The following MARCHF8 variants were observed in gnomAD, a reference collection of about 807,000 sequenced individuals.
The protein encoded by MARCHF8 is membrane associated ring-CH-type finger 8.
Under a neutral mutation model 51.6 loss-of-function variants are expected in MARCHF8, and 40 were observed. That is an observed-to-expected ratio of 0.77 (90% CI 0.60 to 1.01). The LOEUF is 1.01. MARCHF8 is among the 50% of genes least tolerant of loss of function. MARCHF8 has a pLI of 0.00. For missense variants in MARCHF8, 685 were observed against 708.6 expected (o/e 0.97, Z 0.38); for synonymous variants, 263 against 280.3 (o/e 0.94, Z 0.62).
At position 45,459,263 on chromosome 10, in the gene MARCHF8, T is replaced by C. The variant is rs1340062291; in HGVS notation, c.1274A>G (p.Glu425Gly). 1 of 1,613,762 alleles carries C rather than the reference T, an allele frequency of 6.2e-7. No homozygotes were observed. The highest frequency in any genetic ancestry group is 1.7e-4 in the Middle Eastern group (1 of 6,056). ...ETKLKPLRKW[E>G]KLQMTSSERR... ...CTCGCTGGACGTCATCTGCAACTTC[T>C]CCCACTAGAAAGACAACACAGAGTG... is the stretch of plus-strand genomic sequence containing the variant. Residue 425 changes from glutamate to glycine, a missense_variant, in exon 7 of 8, where the codon GAG (glutamate) becomes GGG (glycine). Glu to Gly is a moderately conservative substitution (Grantham distance 98). Coordinates refer to ENST00000453424, the MANE Select transcript of MARCHF8 (RefSeq NM_001282866.2).
exon 1 of MARCHF8, chr10:45,594,543 C>T (rs964927513): frequency 3.3e-5 from 5 of 152,272 alleles, no homozygotes; most frequent in Admixed American, 1.3e-4. Flanking sequence ...GTCGCGCTGC[C>T]TCTCCGCGGG....
chr10:45,493,431 G>A (rs888245532), intron 2 of MARCHF8, among the ~76,000 whole-genome samples: 1 of 152,162 alleles, frequency 6.6e-6, no homozygotes, highest in African/African-American at 2.4e-5. Flanking sequence ...CCTCAGAGAA[G>A]GTACTAAGAG....
chr10:45,473,612 G>A (rs1036544191), intron 3 of MARCHF8, among the ~76,000 whole-genome samples: 2 of 152,074 alleles, frequency 1.3e-5, no homozygotes, highest in Admixed American at 6.5e-5. Context: ...ATCAAGAGAG[G>A]CTCCAAAAAG....
At chr10:45,578,405 C>G (rs1238414873) in intron 1 of MARCHF8, among the ~76,000 whole-genome samples, 2 of 152,126 alleles carry the variant, frequency 1.3e-5, no homozygotes, top group East Asian at 3.9e-4. Flanking sequence ...AGTTACAGAC[C>G]ACTAAATAAG....
chr10:45,484,081 T>C (rs896664170), intron 3 of MARCHF8, among the ~76,000 whole-genome samples: 1 of 152,164 alleles, frequency 6.6e-6, no homozygotes, highest in African/African-American at 2.4e-5. Context: ...CACATAGACA[T>C]GATAAATATT....
intron 3 of MARCHF8, among the ~76,000 whole-genome samples, chr10:45,480,517 C>T (rs1049138171): frequency 1.3e-5 from 2 of 152,152 alleles, no homozygotes; most frequent in Non-Finnish European, 2.9e-5. Flanking sequence ...CCAGGGCCCC[C>T]TTGCTGTGTG....
At chr10:45,530,985 T>C (rs1158151857) in intron 2 of MARCHF8, among the ~76,000 whole-genome samples, 2 of 152,006 alleles carry the variant, frequency 1.3e-5, no homozygotes, top group Non-Finnish European at 2.9e-5. Context: ...AAAACATGTC[T>C]GAGATGAAAA....
chr10:45,529,677 A>G (rs1353056662), intron 2 of MARCHF8, among the ~76,000 whole-genome samples: 1 of 152,228 alleles, frequency 6.6e-6, no homozygotes, highest in Non-Finnish European at 1.5e-5. Flanking sequence ...GCAAAAGATG[A>G]CATACAAATG....
chr10:45,567,253 C>A (rs908689117), intron 1 of MARCHF8, among the ~76,000 whole-genome samples: 2 of 152,160 alleles, frequency 1.3e-5, no homozygotes, highest in East Asian at 3.9e-4. Context: ...TTGACTGTAT[C>A]CTTCGCTGTG....
intron 2 of MARCHF8, among the ~76,000 whole-genome samples, chr10:45,502,481 G>T (rs775355359): frequency 1.3e-5 from 2 of 152,098 alleles, no homozygotes; most frequent in Non-Finnish European, 2.9e-5. Context: ...TGAACTACAA[G>T]AAACCTATGC....
chr10:45,488,548 G>A (rs749862774), intron 3 of MARCHF8, among the ~76,000 whole-genome samples: 30 of 152,122 alleles, frequency 2.0e-4, no homozygotes, highest in Admixed American at 5.9e-4. Flanking sequence ...ACAGCAAACC[G>A]TTCATCATGA....
At chr10:45,474,011 A>G (rs985005681) in intron 3 of MARCHF8, among the ~76,000 whole-genome samples, 14 of 152,124 alleles carry the variant, frequency 9.2e-5, no homozygotes, top group African/African-American at 3.4e-4. Flanking sequence ...GGTTCCCTGT[A>G]ATTCTCTACC....
chr10:45,542,041 A>G (rs974712435), intron 1 of MARCHF8, among the ~76,000 whole-genome samples: 1 of 152,142 alleles, frequency 6.6e-6, no homozygotes, highest in Non-Finnish European at 1.5e-5. Context: ...CTTATTTAAC[A>G]CTAAAACTTG....
chr10:45,567,877 A>T (rs2044382613), intron 1 of MARCHF8, among the ~76,000 whole-genome samples: 1 of 152,192 alleles, frequency 6.6e-6, no homozygotes, highest in Non-Finnish European at 1.5e-5. Flanking sequence ...TTTGGGTAGT[A>T]TGGACATTTT....
At chr10:45,592,676 C>A (rs1033305079) in intron 1 of MARCHF8, among the ~76,000 whole-genome samples, 3 of 152,150 alleles carry the variant, frequency 2.0e-5, no homozygotes, top group Admixed American at 2.0e-4. Flanking sequence ...CCCTCAAGAA[C>A]CAGACGCTAC....
At chr10:45,574,493 C>G (rs1284510066) in intron 1 of MARCHF8, among the ~76,000 whole-genome samples, 1 of 152,152 alleles carries the variant, frequency 6.6e-6, no homozygotes, top group East Asian at 1.9e-4. Context: ...CCCTTCATCC[C>G]AGCCTCTCTT....
chr10:45,540,612 A>C (rs940579912), intron 1 of MARCHF8, among the ~76,000 whole-genome samples: 1 of 152,328 alleles, frequency 6.6e-6, no homozygotes, highest in Admixed American at 6.5e-5. Context: ...AAAAGAAACT[A>C]CCATCAAAGT....
At chr10:45,558,363 A>AT (rs2044274659) in intron 1 of MARCHF8, among the ~76,000 whole-genome samples, 1 of 152,194 alleles carries the variant, frequency 6.6e-6, no homozygotes, top group Non-Finnish European at 1.5e-5. Context: ...AGTGGCTTGG[A>AT]GGACAACATG....
intron 1 of MARCHF8, among the ~76,000 whole-genome samples, chr10:45,554,102 C>T (rs570155593): frequency 6.6e-6 from 1 of 152,252 alleles, no homozygotes; most frequent in Non-Finnish European, 1.5e-5. Flanking sequence ...TGATTTAAAA[C>T]AGTTTTACCA....
Sources: allele counts gnomAD v4.1 joint callset (sites outside exome capture counted in the v4.1 genomes callset), GRCh38; gene constraint gnomAD v4.1.1; transcripts MANE v1.5; gene names NCBI Gene and HGNC (gene_info 2026-07-23, HGNC 2026-07-21).